Variants in NOMO1 observed in about 807,000 individuals in gnomAD.
The protein encoded by NOMO1 is nodal modulator 3.
NOMO1 carries 40 observed loss-of-function variants against 133.8 expected under a neutral mutation model. The observed-to-expected ratio is 0.30, with a 90% CI of 0.23 to 0.39. The LOEUF is 0.39. NOMO1 is among the 10% of genes least tolerant of loss of function. NOMO1 has a pLI of 1.00. For synonymous variants in NOMO1, 236 were observed against 570.5 expected, an observed-to-expected ratio of 0.41 and a Z score of 8.36; for missense variants, 462 against 1,419.9, an observed-to-expected ratio of 0.33 and a Z score of 10.84.
At chr16:14,842,689 C>T (rs1342621704) in intron 3 of NOMO1, among the ~76,000 whole-genome samples, 4 of 151,914 alleles carry the variant, frequency 2.6e-5, no homozygotes, top group Non-Finnish European at 4.4e-5. Context: ...TTAGCCATCC[C>T]GCCCCACCCT....
chr16:14,856,558 C>T (rs1262521241), intron 9 of NOMO1, among the ~76,000 whole-genome samples: 2 of 151,784 alleles, frequency 1.3e-5, no homozygotes, highest in Non-Finnish European at 2.9e-5. Context: ...ATTACAGGCG[C>T]CTGCCACCAC....
intron 26 of NOMO1, among the ~76,000 whole-genome samples, chr16:14,883,676 T>C (rs950532836): frequency 6.0e-5 from 9 of 151,036 alleles, no homozygotes; most frequent in Non-Finnish European, 1.3e-4. Flanking sequence ...GCATTTTAAA[T>C]GGCTGGGATG....
chr16:14,838,158 CAG>C (rs1963547951), intron 1 of NOMO1, among the ~76,000 whole-genome samples: 1 of 152,034 alleles, frequency 6.6e-6, no homozygotes, highest in Non-Finnish European at 1.5e-5. Context: ...CTAAAATAAA[CAG>C]AAAAGCATTG....
intron 1 of NOMO1, among the ~76,000 whole-genome samples, chr16:14,835,302 C>T (rs1192344007): frequency 1.3e-5 from 2 of 150,956 alleles, no homozygotes; most frequent in East Asian, 1.9e-4. Flanking sequence ...ATGAATCTAC[C>T]CACTGGCAGC....
chr16:14,846,114 C>T (rs1963677385), intron 4 of NOMO1, among the ~76,000 whole-genome samples: 1 of 146,540 alleles, frequency 6.8e-6, no homozygotes, highest in South Asian at 2.2e-4. Context: ...GCAACCTCCG[C>T]CTCCTGGGTT....
chr16:14,884,942 G>T lies in NOMO1; in HGVS notation c.3222+460G>T, dbSNP rs536399973. The stretch of plus-strand genomic sequence containing the variant: ...GTTTCATTGGCTCCTCGTTCTGTAG[G>T]TTGTACAGGAAGCATAGTGGTGTCT... On this transcript the variant is annotated intron_variant, in intron 27 of 30. Coordinates refer to ENST00000287667, the MANE Select transcript of NOMO1 (RefSeq NM_014287.4). Among the ~76,000 whole-genome samples the T allele has an allele frequency of 4.6e-5, 7 of 152,152 alleles. No individual in the cohort carries two copies. In the South Asian group the frequency reaches 1.5e-3, roughly 32 times the overall value.
In NOMO1 at chr16:14,871,560, G is replaced by A. The variant is rs371173801; in HGVS notation, c.1895-61G>A. On this transcript the variant is annotated intron_variant, in intron 16 of 30. Coordinates refer to ENST00000287667, the MANE Select transcript of NOMO1 (RefSeq NM_014287.4). ...GAGCTGCCACTCGATTTCAGATGTC[G>A]GAATTGCTCGGTGTAATAGATGCCA... The A allele has an allele frequency of 1.4e-4, 233 of 1,608,546 alleles. 1 individual carries two copies. Among genetic ancestry groups the A allele is most frequent in the Middle Eastern group, 6.8e-4 (3 of 4,438 alleles).
intron 28 of NOMO1, among the ~76,000 whole-genome samples, chr16:14,887,122 A>G (rs1431581747): frequency 1.3e-5 from 2 of 152,122 alleles, no homozygotes; most frequent in Non-Finnish European, 2.9e-5. Context: ...CACTGCTAAC[A>G]CGGTGATTGG....
At chr16:14,893,558 C>T (rs1161197034) in intron 29 of NOMO1, among the ~76,000 whole-genome samples, 4 of 151,960 alleles carry the variant, frequency 2.6e-5, no homozygotes, top group African/African-American at 9.7e-5. Flanking sequence ...TCCAAAGATA[C>T]AGGAGTAGGC....
At chr16:14,839,988 G>A (rs1326896184) in intron 2 of NOMO1, among the ~76,000 whole-genome samples, 7 of 141,254 alleles carry the variant, frequency 5.0e-5, no homozygotes, top group South Asian at 2.4e-4. Flanking sequence ...CAGGTGATCC[G>A]CCCACCTCAG....
At chr16:14,835,341 A>G (rs1376555937) in intron 1 of NOMO1, among the ~76,000 whole-genome samples, 1 of 151,192 alleles carries the variant, frequency 6.6e-6, no homozygotes, top group Non-Finnish European at 1.5e-5. Context: ...TCCTGGGTAC[A>G]TGTTTCTGGG....
rs1425209338 is a variant in NOMO1, at chr16:14,834,013, C to T, written c.162C>T (p.Ile54=). ...ACGTGGAGATCAACTACTCTCTCAT[C>T]GAGGTGAGCGCCCGCCCCGCCGCCC... ...KSDVEINYSL[I]EIKLYTKHGT... The change falls in exon 1 of 31, where the codon ATC becomes ATT. Residue 54 remains isoleucine, a synonymous_variant. Coordinates refer to ENST00000287667, the MANE Select transcript of NOMO1 (RefSeq NM_014287.4). The T allele has an allele frequency of 5.9e-5, 24 of 408,090 alleles. No individual in the cohort carries two copies. Among genetic ancestry groups the T allele is most frequent in the Non-Finnish European group, 8.1e-5 (23 of 285,054 alleles). The allele number at this position is 408,090 out of a possible 1,614,324, so 25.3% of individuals were successfully genotyped here.
intron 4 of NOMO1, among the ~76,000 whole-genome samples, chr16:14,845,022 T>C (rs1390777047): frequency 6.6e-6 from 1 of 151,792 alleles, no homozygotes; most frequent in Non-Finnish European, 1.5e-5. Context: ...GTGTTTTTAT[T>C]TTTTTATTTT....
rs1042483197 is a variant in NOMO1, at chr16:14,839,434, A to G, written c.255+938A>G. Among the ~76,000 whole-genome samples, 5 of 152,104 alleles carry G rather than the reference A, an allele frequency of 3.3e-5. No individual in the cohort carries two copies. The East Asian group carries it at 5.8e-4, about 18-fold the overall frequency. On this transcript the variant is annotated intron_variant, in intron 2 of 30. Coordinates refer to ENST00000287667, the MANE Select transcript of NOMO1 (RefSeq NM_014287.4). ...TTCAGATAGCCACGGGTACACATGC[A>G]TATGTATACATGGAAATACACACAA...
intron 1 of NOMO1, among the ~76,000 whole-genome samples, chr16:14,838,204 T>G (rs1474839449): frequency 2.0e-5 from 3 of 152,036 alleles, no homozygotes; most frequent in Non-Finnish European, 4.4e-5. Context: ...TGTAGATGGT[T>G]TCTAATCTGA....
Position 14,880,063 on chromosome 16 carries a change from GA to G in NOMO1, c.2807del (p.Glu936GlyfsTer6). The part of the protein sequence containing the change: ...FKPMMKEFRF[E>X]PSSQMIEVQE... The stretch of plus-strand genomic sequence containing the variant: ...ACCCATGATGAAGGAGTTCCGGTTT[GA>G]GCCATCCTCACAGATGATCGAGGTG... On this transcript the variant is annotated frameshift_variant, in exon 24 of 31. Transcript: ENST00000287667. LOFTEE classifies it high-confidence loss of function. 6.2e-7 allele frequency: 1 copy of G among 1,611,028 alleles called. No homozygotes were observed. Among genetic ancestry groups the G allele is most frequent in the South Asian group, 1.1e-5 (1 of 90,886 alleles).
At chr16:14,856,284 G>T (rs1963833299) in intron 9 of NOMO1, among the ~76,000 whole-genome samples, 1 of 151,990 alleles carries the variant, frequency 6.6e-6, no homozygotes, top group Admixed American at 6.6e-5. Flanking sequence ...CACAGATCAG[G>T]GCTGGAACTC....
chr16:14,871,881 C>T (rs1464911266), intron 17 of NOMO1, among the ~76,000 whole-genome samples, 197 bp downstream of exon 17: 1 of 150,612 alleles, frequency 6.6e-6, no homozygotes, highest in African/African-American at 2.5e-5. Flanking sequence ...GATCCCTTTC[C>T]CAAGAATTCT....
chr16:14,838,123 T>TA (rs1356223071), intron 1 of NOMO1, among the ~76,000 whole-genome samples: 4 of 151,818 alleles, frequency 2.6e-5, no homozygotes, highest in South Asian at 2.1e-4. Flanking sequence ...CCCGGAAACT[T>TA]ACACGAGCAA....
Sources: gnomAD v4.1 joint callset for allele counts (sites outside exome capture counted in the v4.1 genomes callset) on GRCh38, gnomAD v4.1.1 for gene constraint, MANE v1.5 for transcripts, NCBI Gene and HGNC (gene_info 2026-07-23, HGNC 2026-07-21) for gene names.